The following ABCA5 variants were observed in gnomAD, a reference collection of about 807,000 sequenced individuals.
ABCA5 encodes ATP binding cassette subfamily A member 5, also known as cholesterol transporter ABCA5.
A neutral mutation model predicts 206.0 loss-of-function variants in ABCA5; 163 were observed. That is an observed-to-expected ratio of 0.79 (90% CI 0.70 to 0.90). The LOEUF (loss-of-function observed/expected upper bound fraction) is 0.90, where lower values mean the gene tolerates loss of function less well. Among genes scored for constraint, ABCA5 ranks in the 40% least tolerant of loss-of-function variants. ABCA5 has a pLI of 0.00. For missense variants in ABCA5, 1,859 were observed against 1,912.9 expected (o/e 0.97, Z 0.53); for synonymous variants, 609 against 613.8 (o/e 0.99, Z 0.11).
intron 22 of ABCA5, among the ~76,000 whole-genome samples, chr17:69,270,083 A>G (rs956513269): frequency 6.6e-6 from 1 of 152,188 alleles, no homozygotes; most frequent in Non-Finnish European, 1.5e-5. Context: ...ATTGGGCATT[A>G]TATTTCAATG....
At chr17:69,252,717 G>A (rs1397485802) in intron 34 of ABCA5, among the ~76,000 whole-genome samples, 1 of 151,562 alleles carries the variant, frequency 6.6e-6, no homozygotes, top group African/African-American at 2.4e-5. Flanking sequence ...CTTGCCTGTA[G>A]TCCCAGGTAC....
rs2075076815 is a variant in ABCA5, at chr17:69,256,212, ACATCTT to A, written c.3797_3802del (p.Glu1266_Asp1267del). 1.2e-6 allele frequency: 2 copies of A among 1,610,692 alleles called. No individual in the cohort carries two copies. The highest frequency in any genetic ancestry group is 1.1e-5 in the South Asian group (1 of 90,536). ...TTTGACCTTTAGTCTTTCAGCTTTGACATCTTCATCTTCATCCTCATTGTCTGGTGG... is the reference window on the plus strand; with the variant it reads ...TTTGACCTTTAGTCTTTCAGCTTTGACATCTTCATCCTCATTGTCTGGTGG... On this transcript the variant is annotated inframe_deletion, in exon 29 of 39. Transcript: ENST00000392676.
chr17:69,279,033 C>A (rs1474281879), intron 18 of ABCA5, among the ~76,000 whole-genome samples: 4 of 151,022 alleles, frequency 2.6e-5, no homozygotes, highest in Admixed American at 1.3e-4. Context: ...AAGTTCTGGC[C>A]AGGGCAATTA....
Position 69,261,119 on chromosome 17 carries a change from A to T in ABCA5, c.3564+6T>A, listed in dbSNP as rs754676939. ...TTTAACATATTAAAATATTTAGCAG[A>T]ATTACCTTTATGAAAGAAATCAGGC... On this transcript the variant is annotated splice_donor_region_variant and intron_variant, in intron 26 of 38. Coordinates refer to ENST00000392676, the MANE Select transcript of ABCA5 (RefSeq NM_172232.4). 9 of 1,540,090 alleles carry T rather than the reference A, an allele frequency of 5.8e-6. No homozygotes were observed. Among genetic ancestry groups the T allele is most frequent in the Middle Eastern group, 1.9e-4 (1 of 5,338 alleles).
rs2075787428 is a variant in ABCA5 at position 69,313,287 on chromosome 17, A to G, written c.112T>C (p.Phe38Leu). The G allele has an allele frequency of 7.3e-7, 1 of 1,366,500 alleles. No individual in the cohort carries two copies. Among genetic ancestry groups the G allele is most frequent in the Admixed American group, 2.1e-5 (1 of 47,972 alleles). 84.6% of individuals were successfully genotyped at this position (1,366,500 alleles called of 1,614,324 possible). ...AACCAAAATAAAAAAAATAGTGGAAAAAGAATTTCCTACAATAAAAGAAAC... is the reference window on the plus strand; with the variant it reads ...AACCAAAATAAAAAAAATAGTGGAAGAAGAATTTCCTACAATAAAAGAAAC... Reference protein sequence around the residue: ...TKKSSVQEILFPLFFLFWLIL... With the variant: ...TKKSSVQEILLPLFFLFWLIL... The change falls in exon 3 of 39, where the codon TTT becomes CTT. Residue 38 changes from phenylalanine to leucine, a missense_variant. Coordinates refer to ENST00000392676, the MANE Select transcript of ABCA5 (RefSeq NM_172232.4).
intron 34 of ABCA5, among the ~76,000 whole-genome samples, chr17:69,252,141 A>G (rs1181910728): frequency 6.6e-6 from 1 of 151,822 alleles, no homozygotes; most frequent in Admixed American, 6.6e-5. Context: ...CCTCCTGAGT[A>G]GCTGGGACTA....
At chr17:69,272,741 G>C (rs935724036) in intron 20 of ABCA5, among the ~76,000 whole-genome samples, 1 of 152,080 alleles carries the variant, frequency 6.6e-6, no homozygotes, top group African/African-American at 2.4e-5. Flanking sequence ...AATTTTCCAT[G>C]TTCTCACTCA....
chr17:69,297,471 CAT>C, intron 9 of ABCA5, 112 bp from the exon 10 acceptor site: 1 of 862,162 alleles, frequency 1.2e-6, no homozygotes, highest in Non-Finnish European at 1.8e-6. Context: ...CATTCCGCAA[CAT>C]ATATATATTT....
At chr17:69,272,383 T>G (rs550815637) in intron 20 of ABCA5, among the ~76,000 whole-genome samples, 1 of 152,092 alleles carries the variant, frequency 6.6e-6, no homozygotes, top group African/African-American at 2.4e-5. Context: ...TAGGAAAATA[T>G]GGCATGCATA....
intron 1 of ABCA5, among the ~76,000 whole-genome samples, chr17:69,315,593 A>G (rs372383870): frequency 9.9e-5 from 15 of 151,626 alleles, no homozygotes; most frequent in East Asian, 7.7e-4. Context: ...GACCAGCCTG[A>G]CCAACATGGT....
At chr17:69,305,758 C>A (rs1159522073) in intron 6 of ABCA5, among the ~76,000 whole-genome samples, 1 of 152,078 alleles carries the variant, frequency 6.6e-6, no homozygotes, top group Non-Finnish European at 1.5e-5. Flanking sequence ...GTAGTCCCAA[C>A]TACTTGAGAG....
rs375659632 is a variant in ABCA5, at chr17:69,308,371, A to G, written c.470-3T>C. 23 of 1,605,392 alleles carry G rather than the reference A, an allele frequency of 1.4e-5. No individual in the cohort carries two copies. Among genetic ancestry groups the G allele is most frequent in the Non-Finnish European group, 1.8e-5 (21 of 1,173,084 alleles). On this transcript the variant is annotated splice_polypyrimidine_tract_variant and splice_region_variant and intron_variant, in intron 4 of 38. Transcript: ENST00000392676. ...CTCACATGATTTTGAACAGCCAGCT[A>G]TGGGGGGAAGAATATGAGATCTAAG...
rs981379395 is a variant in ABCA5, at chr17:69,311,666, A to G, written c.307+1426T>C. Among the ~76,000 whole-genome samples the G allele has an allele frequency of 2.0e-5, 3 of 151,838 alleles. No homozygotes were observed. In the East Asian group the frequency reaches 5.8e-4, roughly 29 times the overall value. ...CACCATGGCTGGATAATTTTTTTGT[A>G]TTTTTAGTAGAGACAGGGTTTCACC... On this transcript the variant is annotated intron_variant, in intron 3 of 38. Transcript: ENST00000392676.
rs149537640 is a variant in ABCA5 at position 69,310,765 on chromosome 17, G to A, written c.308-1342C>T. Among the ~76,000 whole-genome samples, 918 of 152,310 alleles carry A rather than the reference G, an allele frequency of 6.0e-3. 9 individuals are homozygous for A. Among genetic ancestry groups the A allele is most frequent in the Non-Finnish European group, 0.01 (692 of 68,028 alleles). On this transcript the variant is annotated intron_variant, in intron 3 of 38. Transcript: ENST00000392676. The stretch of plus-strand genomic sequence containing the variant: ...AAAGAATATAGAATTAGTACTTAAC[G>A]TCTTCATGTATTAACTGTGTGAGCA...
intron 22 of ABCA5, among the ~76,000 whole-genome samples, chr17:69,269,251 G>A (rs772392063): frequency 5.9e-5 from 9 of 152,132 alleles, no homozygotes; most frequent in Non-Finnish European, 1.2e-4. Flanking sequence ...TGTGAATTGC[G>A]GTTACTCCTA....
intron 37 of ABCA5, chr17:69,249,356 C>T (rs1039257285): frequency 2.0e-5 from 3 of 152,180 alleles, no homozygotes; most frequent in African/African-American, 7.2e-5. Context: ...TATATTTATC[C>T]TACATACCAC....
Position 69,255,823 on chromosome 17 carries a change from G to A in ABCA5, c.3886C>T (p.His1296Tyr). Residue 1296 changes from histidine to tyrosine, a missense_variant, in exon 30 of 39, where the codon CAT becomes TAT. Coordinates refer to ENST00000392676, the MANE Select transcript of ABCA5 (RefSeq NM_172232.4). ...TCTTTCTTGTCATCATATTCTTTAT[G>A]CAAATTGCTGACCATAATGGATGGT... Reference protein sequence around the residue: ...EKPSIMVSNLHKEYDDKKDFL... With the variant: ...EKPSIMVSNLYKEYDDKKDFL... 1 of 1,577,570 alleles carries A rather than the reference G, an allele frequency of 6.3e-7. No individual in the cohort carries two copies.
chr17:69,293,453 G>A (rs1567771523), intron 11 of ABCA5, among the ~76,000 whole-genome samples: 1 of 152,066 alleles, frequency 6.6e-6, no homozygotes, highest in Non-Finnish European at 1.5e-5. Flanking sequence ...AATTTTATGG[G>A]TCCCCCTGGC....
chr17:69,313,048 AG>A (rs2075784694), intron 3 of ABCA5, 43 bp downstream of exon 3: 1 of 1,299,512 alleles, frequency 7.7e-7, no homozygotes, highest in African/African-American at 1.5e-5. Context: ...AATATTGAAA[AG>A]GCTTAATATT....
Sources: gnomAD v4.1 joint callset for allele counts (sites outside exome capture counted in the v4.1 genomes callset) on GRCh38, gnomAD v4.1.1 for gene constraint, MANE v1.5 for transcripts, NCBI Gene and HGNC (gene_info 2026-07-23, HGNC 2026-07-21) for gene names.